ERV3-1: variants seen among roughly 807,000 people sequenced by gnomAD.
ERV3-1 encodes the protein endogenous retrovirus group 3 member 1 Env polyprotein.
In ERV3-1, 36 loss-of-function variants were observed where a neutral mutation model predicts 24.6. The observed-to-expected ratio is 1.47, with a 90% CI of 1.12 to 1.94. ERV3-1 has a LOEUF of 1.94. Ranked by LOEUF, ERV3-1 falls within the 30% of genes most tolerant of loss-of-function variation. The pLI, the probability that ERV3-1 is intolerant of heterozygous loss-of-function variation, is 0.00. For missense variants in ERV3-1, 578 were observed against 330.9 expected (o/e 1.75, Z -5.79); for synonymous variants, 211 against 122.6 (o/e 1.72, Z -4.76).
intron 1 of ERV3-1, chr7:65,005,030 G>T: frequency 6.5e-6 from 1 of 153,056 alleles, no homozygotes; most frequent in South Asian, 2.0e-4. Flanking sequence ...GTTGCTTGAA[G>T]ACAATCTTAA....
At chr7:64,997,656 C>T (rs1584065864) in intron 1 of ERV3-1, among the ~76,000 whole-genome samples, 2 of 152,244 alleles carry the variant, frequency 1.3e-5, no homozygotes, top group Middle Eastern at 3.4e-3. Context: ...ATTAAGTGTG[C>T]CTTCTGGTGC....
At chr7:65,006,337 G>A (rs1786649461) in intron 1 of ERV3-1, 2 of 815,476 alleles carry the variant, frequency 2.5e-6, no homozygotes, top group African/African-American at 1.7e-5. Flanking sequence ...GCAGGGAGGA[G>A]ACAGGATGCC....
intron 1 of ERV3-1, chr7:65,004,875 T>G (rs1786606460): frequency 6.6e-6 from 1 of 151,076 alleles, no homozygotes; most frequent in African/African-American, 2.4e-5. Flanking sequence ...TTGATTTTTT[T>G]TTTTTTTTTT....
chr7:64,992,514 C>T lies in ERV3-1; in HGVS notation c.513G>A (p.Trp171Ter), dbSNP rs762925843. 1.3e-6 allele frequency: 1 copy of T among 766,256 alleles called. No homozygotes were observed. Among genetic ancestry groups the T allele is most frequent in the South Asian group, 1.3e-5 (1 of 74,614 alleles). 47.5% of individuals were successfully genotyped at this position (766,256 alleles called of 1,614,324 possible). ...GCCCTAGTGATTGTTGGTTAGTGGA[C>T]CACGTTGTGCAGTCCCAGCAAGTTG... ...PVTTCWDCTT[W>*]STNQQSLGPI... is the part of the protein sequence containing the mutation. The change falls in exon 2 of 2, where the codon TGG (tryptophan) becomes TGA (stop). Residue 171 changes from tryptophan to a stop codon, truncating the protein, a stop_gained. Transcript: ENST00000394323. LOFTEE classifies it high-confidence loss of function.
At position 64,991,914 on chromosome 7, in the gene ERV3-1, T is replaced by C. The variant is rs1786276285; in HGVS notation, c.1113A>G (p.Thr371=). ...TCLGQQYYNE[T]LGKTLWRGKS... is the part of the protein sequence containing the mutation. Reference sequence around the variant, plus strand: ...TGCCCCTCCATAAAGTCTTTCCTAGTGTCTCGTTGTAATATTGTTGTCCTA... The same window carrying C: ...TGCCCCTCCATAAAGTCTTTCCTAGCGTCTCGTTGTAATATTGTTGTCCTA... The change falls in exon 2 of 2, where the codon ACA becomes ACG. Residue 371 remains threonine, a synonymous_variant. Transcript: ENST00000394323. The C allele has an allele frequency of 3.9e-6, 3 of 766,302 alleles. No individual in the cohort carries two copies. In the South Asian group the frequency reaches 4.0e-5, roughly 10 times the overall value. 47.5% of individuals were successfully genotyped at this position (766,302 alleles called of 1,614,324 possible). A position where few individuals can be genotyped will look rare whatever the true frequency, so the allele number is the denominator to read the frequency against.
intron 1 of ERV3-1, among the ~76,000 whole-genome samples, chr7:64,998,557 C>T (rs1022279785): frequency 6.6e-6 from 1 of 152,198 alleles, no homozygotes; most frequent in African/African-American, 2.4e-5. Context: ...AGTTCCTTAA[C>T]ATACATTCTA....
chr7:65,005,604 T>C (rs1040985600), intron 1 of ERV3-1, among the ~76,000 whole-genome samples: 1 of 152,120 alleles, frequency 6.6e-6, no homozygotes, highest in African/African-American at 2.4e-5. Context: ...GGAGGGGAAA[T>C]TGGCATTTGG....
At chr7:64,996,712 C>T (rs936496639) in intron 1 of ERV3-1, among the ~76,000 whole-genome samples, 4 of 152,232 alleles carry the variant, frequency 2.6e-5, no homozygotes, top group African/African-American at 9.6e-5. Context: ...ACCTCCTTGG[C>T]TGACAAAATG....
chr7:65,003,606 A>G (rs1786569069), intron 1 of ERV3-1: 1 of 152,238 alleles, frequency 6.6e-6, no homozygotes, highest in African/African-American at 2.4e-5. Flanking sequence ...TTTGAAACTG[A>G]AAAATTCAGA....
chr7:64,994,895 C>G (rs1786371789), intron 1 of ERV3-1, among the ~76,000 whole-genome samples: 1 of 152,240 alleles, frequency 6.6e-6, no homozygotes, highest in African/African-American at 2.4e-5. Flanking sequence ...CCTACCCAGC[C>G]CAGCAGACCC....
At chr7:64,994,532 T>G (rs1786359445) in intron 1 of ERV3-1, among the ~76,000 whole-genome samples, 3 of 152,206 alleles carry the variant, frequency 2.0e-5, no homozygotes, top group Admixed American at 2.0e-4. Context: ...CTGCCCATTT[T>G]GCCTCCCTGT....
Position 64,991,667 on chromosome 7 carries a change from CCT to C in ERV3-1, c.1358_1359del (p.Gln453ArgfsTer10). ...TAGATGGGGTATCCTAAGGCTTCTC[CCT>C]GTTTTAGGGGCATTAGGAAGAAGGA... is the stretch of plus-strand genomic sequence containing the variant. ...RPSFFLMPLK[Q>X]GEALGYPIYD... is the part of the protein sequence containing the mutation. On this transcript the variant is annotated frameshift_variant, in exon 2 of 2. Transcript: ENST00000394323. LOFTEE classifies it high-confidence loss of function. 1.4e-6 allele frequency: 1 copy of C among 718,194 alleles called. No individual in the cohort carries two copies. The highest frequency in any genetic ancestry group is 1.4e-5 in the South Asian group (1 of 69,094). The allele number at this position is 718,194 out of a possible 1,614,324, so 44.5% of individuals were successfully genotyped here. A position where few individuals can be genotyped will look rare whatever the true frequency, so the allele number is the denominator to read the frequency against.
chr7:64,993,983 G>A (rs1209980614), intron 1 of ERV3-1, among the ~76,000 whole-genome samples: 1 of 152,174 alleles, frequency 6.6e-6, no homozygotes, highest in Non-Finnish European at 1.5e-5. Context: ...TGGGGATAAT[G>A]TTTCTTAATA....
At chr7:64,997,774 T>C (rs919965419) in intron 1 of ERV3-1, among the ~76,000 whole-genome samples, 2 of 152,138 alleles carry the variant, frequency 1.3e-5, no homozygotes, top group Admixed American at 6.5e-5. Context: ...GGATTTTGTG[T>C]CTGAAAAATG....
chr7:64,997,306 G>A (rs566106778), intron 1 of ERV3-1, among the ~76,000 whole-genome samples: 5 of 152,296 alleles, frequency 3.3e-5, no homozygotes, highest in East Asian at 3.9e-4. Flanking sequence ...ATTCATGCCC[G>A]TGAAACACTC....
In ERV3-1 at chr7:65,000,231, G is replaced by GT. The variant is rs1231160026; in HGVS notation, c.-389+6309dup. On this transcript the variant is annotated intron_variant, in intron 1 of 1. Transcript: ENST00000394323. ...CTGTAATCAAAGCACTTTCTTTTTTGTTTTTTTTTGAGATGGAGTCTCACG... is the reference window on the plus strand; with the variant it reads ...CTGTAATCAAAGCACTTTCTTTTTTGTTTTTTTTTTGAGATGGAGTCTCACG... 1.6e-3 allele frequency among the ~76,000 whole-genome samples: 241 copies of GT among 150,214 alleles called. 1 individual carries two copies. Among genetic ancestry groups the GT allele is most frequent in the African/African-American group, 5.4e-3 (220 of 40,954 alleles).
In ERV3-1 at chr7:64,992,767, G is replaced by A. The variant is rs370455269; in HGVS notation, c.260C>T (p.Ser87Leu). 1.4e-5 allele frequency: 11 copies of A among 766,300 alleles called. No homozygotes were observed. Among genetic ancestry groups the A allele is most frequent in the Non-Finnish European group, 2.6e-5 (11 of 417,910 alleles). The allele number at this position is 766,300 out of a possible 1,614,324, so 47.5% of individuals were successfully genotyped here. The part of the protein sequence containing the change: ...QPYVCYDPKS[S>L]PGTWFEIHVG... The stretch of plus-strand genomic sequence containing the variant: ...ATGAATTTCAAACCAGGTCCCAGGT[G>A]AAGACTTAGGGTCATAACACACATA... The change falls in exon 2 of 2, where the codon TCA becomes TTA. Residue 87 changes from serine (S) to leucine (L), a missense_variant. Ser to Leu is a moderately radical substitution (Grantham distance 145). Transcript: ENST00000394323.
chr7:65,005,262 C>T (rs1239882367), intron 1 of ERV3-1: 1 of 152,284 alleles, frequency 6.6e-6, no homozygotes, highest in Admixed American at 6.5e-5. Flanking sequence ...CCAGACAGTA[C>T]TGAAACCCAG....
intron 1 of ERV3-1, among the ~76,000 whole-genome samples, chr7:64,997,269 G>T (rs962861583): frequency 4.6e-5 from 7 of 152,244 alleles, no homozygotes; most frequent in African/African-American, 1.7e-4. Flanking sequence ...CATACACCTT[G>T]GTGGCCACTT....
Sources: gnomAD v4.1 joint callset for allele counts (sites outside exome capture counted in the v4.1 genomes callset) on GRCh38, gnomAD v4.1.1 for gene constraint, MANE v1.5 for transcripts, NCBI Gene and HGNC (gene_info 2026-07-23, HGNC 2026-07-21) for gene names.